Variants in PAPOLA observed in about 807,000 individuals in gnomAD.
PAPOLA encodes polynucleotide adenylyltransferase alpha.
Under a neutral mutation model 100.6 loss-of-function variants are expected in PAPOLA, and 15 were observed. The ratio of observed to expected loss-of-function variants is 0.15; its 90% CI spans 0.10 to 0.23. The LOEUF (loss-of-function observed/expected upper bound fraction) is 0.23, where lower values mean the gene tolerates loss of function less well. PAPOLA is among the 10% of genes least tolerant of loss of function. The probability of loss-of-function intolerance (pLI) is 1.00; values close to 1 mark genes in which losing one functional copy is unlikely to be tolerated. For missense variants in PAPOLA, 533 were observed against 884.2 expected, an observed-to-expected ratio of 0.60 and a Z score of 5.04; for synonymous variants, 293 against 300.0, an observed-to-expected ratio of 0.98 and a Z score of 0.24.
At chr14:96,536,143 T>A (rs1394856765) in intron 11 of PAPOLA, 144 bp downstream of exon 11, 1 of 561,464 alleles carries the variant, frequency 1.8e-6, no homozygotes, top group East Asian at 3.4e-5. Flanking sequence ...AGTATATATT[T>A]GAGAACTGAC....
chr14:96,551,960 G>A (rs940062746), intron 16 of PAPOLA, among the ~76,000 whole-genome samples: 2 of 152,112 alleles, frequency 1.3e-5, no homozygotes, highest in Non-Finnish European at 2.9e-5. Context: ...TTTGAGAGAG[G>A]CTCTTTTTAT....
intron 20 of PAPOLA, among the ~76,000 whole-genome samples, chr14:96,562,160 A>G (rs903844866): frequency 2.0e-5 from 3 of 152,008 alleles, no homozygotes; most frequent in Non-Finnish European, 2.9e-5. Flanking sequence ...CCAAAGTGCT[A>G]GGATTACAGG....
intron 12 of PAPOLA, among the ~76,000 whole-genome samples, chr14:96,539,221 G>A (rs1899780260): frequency 1.3e-5 from 2 of 152,098 alleles, no homozygotes; most frequent in South Asian, 2.1e-4. Context: ...GAAAACCAAT[G>A]TATTCTCTAA....
At chr14:96,518,004 C>T (rs544519775) in intron 1 of PAPOLA, among the ~76,000 whole-genome samples, 3 of 152,096 alleles carry the variant, frequency 2.0e-5, no homozygotes, top group African/African-American at 7.2e-5. Context: ...ATGCTTGGGC[C>T]AGTCTTCAGC....
rs1354051975 is a variant in PAPOLA at position 96,552,700 on chromosome 14, G to A, written c.1664+78G>A. The A allele has an allele frequency of 3.1e-6, 4 of 1,285,490 alleles. No homozygotes were observed. The East Asian group carries it at 7.3e-5, about 23-fold the overall frequency. The allele number at this position is 1,285,490 out of a possible 1,614,324, so 79.6% of individuals were successfully genotyped here. A position where few individuals can be genotyped will look rare whatever the true frequency, so the allele number is the denominator to read the frequency against. ...GATACATTCTCTTTTTGCTATTAAA[G>A]TCATCTATTTAGAATGTTATTTTCA... is the stretch of plus-strand genomic sequence containing the variant. On this transcript the variant is annotated intron_variant, in intron 17 of 21. Transcript: ENST00000216277.
intron 1 of PAPOLA, among the ~76,000 whole-genome samples, chr14:96,514,486 G>A (rs1313433819): frequency 1.3e-5 from 2 of 152,098 alleles, no homozygotes; most frequent in Non-Finnish European, 2.9e-5. Flanking sequence ...CAGCCTATTT[G>A]CATTAGATTT....
At chr14:96,539,097 C>G (rs1048546394) in intron 12 of PAPOLA, among the ~76,000 whole-genome samples, 1 of 151,880 alleles carries the variant, frequency 6.6e-6, no homozygotes, top group Non-Finnish European at 1.5e-5. Context: ...TTTTAAATGC[C>G]GCTTCTGAGA....
At chr14:96,557,916 G>A (rs1901498632) in intron 19 of PAPOLA, among the ~76,000 whole-genome samples, 1 of 151,896 alleles carries the variant, frequency 6.6e-6, no homozygotes, top group African/African-American at 2.4e-5. Context: ...TTGTTGTTAT[G>A]ATGTATTTTT....
chr14:96,526,187 T>A (rs1898463103), intron 4 of PAPOLA: 1 of 152,266 alleles, frequency 6.6e-6, no homozygotes, highest in Non-Finnish European at 1.5e-5. Context: ...TTCTTTTCTT[T>A]CACTGAGTAC....
chr14:96,504,924 A>C (rs946748445), intron 1 of PAPOLA, among the ~76,000 whole-genome samples: 3 of 152,084 alleles, frequency 2.0e-5, no homozygotes, highest in African/African-American at 7.2e-5. Flanking sequence ...TGGATGGGTG[A>C]GTGGCATTGG....
intron 19 of PAPOLA, among the ~76,000 whole-genome samples, chr14:96,559,550 C>CTCTCT (rs1901638071): frequency 8.4e-6 from 1 of 118,484 alleles, no homozygotes; most frequent in Non-Finnish European, 1.7e-5. Context: ...GCTAAATTAA[C>CTCTCT]CTCTCTCTCT....
intron 19 of PAPOLA, among the ~76,000 whole-genome samples, chr14:96,557,352 G>T (rs1331726708): frequency 6.6e-6 from 1 of 152,178 alleles, no homozygotes; most frequent in Non-Finnish European, 1.5e-5. Context: ...TTGCAAGCTG[G>T]TATTAACCTT....
At chr14:96,522,452 C>T (rs1291396744) in intron 3 of PAPOLA, among the ~76,000 whole-genome samples, 1 of 151,694 alleles carries the variant, frequency 6.6e-6, no homozygotes, top group Non-Finnish European at 1.5e-5. Flanking sequence ...TCCCTCTTGC[C>T]CAGACTGGAG....
chr14:96,542,190 C>T (rs1399982682), intron 12 of PAPOLA, 53 bp from the exon 13 acceptor site: 2 of 1,129,226 alleles, frequency 1.8e-6, no homozygotes, highest in Admixed American at 1.9e-5. Context: ...GGTTTAATAT[C>T]CAGCACAAAG....
intron 17 of PAPOLA, among the ~76,000 whole-genome samples, chr14:96,554,508 G>A (rs1487598905): frequency 6.6e-6 from 1 of 152,162 alleles, no homozygotes; most frequent in African/African-American, 2.4e-5. Flanking sequence ...TGTCATGTAA[G>A]TACCAAAAAT....
rs1385926087 is a variant in PAPOLA, at chr14:96,557,393, C to T, written c.2004+980C>T. ...CTACCTGGTTTATAATTGTTACAGTCTTAGTTTTGGGAAAACCATTAAAAC... is the reference window on the plus strand; with the variant it reads ...CTACCTGGTTTATAATTGTTACAGTTTTAGTTTTGGGAAAACCATTAAAAC... On this transcript the variant is annotated intron_variant, in intron 19 of 21. Coordinates refer to ENST00000216277, the MANE Select transcript of PAPOLA (RefSeq NM_032632.5). Among the ~76,000 whole-genome samples the T allele has an allele frequency of 2.6e-5, 4 of 152,252 alleles. No individual in the cohort carries two copies. The East Asian group carries it at 7.7e-4, about 29-fold the overall frequency.
rs531520658 is a variant in PAPOLA at position 96,507,502 on chromosome 14, C to T, written c.8+4902C>T. On this transcript the variant is annotated intron_variant, in intron 1 of 21. Transcript: ENST00000216277. Reference sequence around the variant, plus strand: ...CGGGGTTTCACCGTGGTCTCGATCTCCTGACCTCGTGATCCGCCTGCCTCG... The same window carrying T: ...CGGGGTTTCACCGTGGTCTCGATCTTCTGACCTCGTGATCCGCCTGCCTCG... Among the ~76,000 whole-genome samples, 38 of 152,010 alleles carry T rather than the reference C, an allele frequency of 2.5e-4. No individual in the cohort carries two copies. In the South Asian group the frequency reaches 7.3e-3, roughly 29 times the overall value.
intron 19 of PAPOLA, 40 bp downstream of exon 19, chr14:96,556,453 C>A: frequency 8.1e-7 from 1 of 1,235,906 alleles, no homozygotes; most frequent in Non-Finnish European, 1.2e-6. Context: ...CATGGCAACA[C>A]CAACTGCCTA....
chr14:96,542,650 A>G, intron 13 of PAPOLA, 124 bp from the exon 14 acceptor site: 2 of 887,238 alleles, frequency 2.3e-6, no homozygotes, highest in East Asian at 2.8e-5. Flanking sequence ...TTTGGGTAGA[A>G]CATAAGGCTT....
Sources: allele counts gnomAD v4.1 joint callset (sites outside exome capture counted in the v4.1 genomes callset), GRCh38; gene constraint gnomAD v4.1.1; transcripts MANE v1.5; gene names NCBI Gene and HGNC (gene_info 2026-07-23, HGNC 2026-07-21).